The following CTTN variants were observed in gnomAD, a reference collection of about 807,000 sequenced individuals.
CTTN encodes the protein cortactin, also known as src substrate cortactin.
A neutral mutation model predicts 84.0 loss-of-function variants in CTTN; 28 were observed. The ratio of observed to expected loss-of-function variants is 0.33; its 90% CI spans 0.25 to 0.46. CTTN has a LOEUF of 0.46. Among genes scored for constraint, CTTN ranks in the 20% least tolerant of loss-of-function variants. The pLI, the probability that CTTN is intolerant of heterozygous loss-of-function variation, is 1.00. For missense variants in CTTN, 641 were observed against 723.8 expected, an observed-to-expected ratio of 0.89 and a Z score of 1.31; for synonymous variants, 301 against 288.8, an observed-to-expected ratio of 1.04 and a Z score of -0.43.
chr11:70,410,555 G>A (rs1804645587), intron 5 of CTTN: 1 of 152,572 alleles, frequency 6.6e-6, no homozygotes, highest in Admixed American at 6.5e-5. Flanking sequence ...CGTTGATTGA[G>A]GACGTTGGCC....
intron 13 of CTTN, 26 bp from the exon 14 acceptor site, chr11:70,429,022 GGCA>G (rs745514485): frequency 2.9e-5 from 47 of 1,613,256 alleles, no homozygotes; most frequent in Non-Finnish European, 3.8e-5. Context: ...CTGTGCTCAA[GGCA>G]CACGTCCTCC....
intron 1 of CTTN, among the ~76,000 whole-genome samples, chr11:70,404,948 G>A (rs1223821225): frequency 2.0e-5 from 3 of 152,248 alleles, no homozygotes; most frequent in Non-Finnish European, 4.4e-5. Flanking sequence ...TTTGCGGTAA[G>A]CCGCGATTGT....
At chr11:70,432,489 A>G (rs1183342992) in intron 15 of CTTN, among the ~76,000 whole-genome samples, 1 of 152,238 alleles carries the variant, frequency 6.6e-6, no homozygotes, top group Non-Finnish European at 1.5e-5. Context: ...CTGGTCAGAA[A>G]CATTGATTAA....
Position 70,417,030 on chromosome 11 carries a change from G to T in CTTN, c.475G>T (p.Gly159Cys), listed in dbSNP as rs1385686579. 6.2e-7 allele frequency: 1 copy of T among 1,614,178 alleles called. No homozygotes were observed. The change falls in exon 8 of 18, where the codon GGC (glycine) becomes TGC (cysteine). Residue 159 changes from glycine (G) to cysteine (C), a missense_variant. Transcript: ENST00000301843. ...ASQKDYSSGFGGKYGVQADRV... is the reference protein window; with the variant it reads ...ASQKDYSSGFCGKYGVQADRV... Reference sequence around the variant, plus strand: ...CTCTCCAGACTACTCCAGTGGTTTTGGCGGCAAGTATGGCGTGCAGGCCGA... The same window carrying T: ...CTCTCCAGACTACTCCAGTGGTTTTTGCGGCAAGTATGGCGTGCAGGCCGA...
rs761020128 is a variant in CTTN, at chr11:70,425,349, G to A, written c.975G>A (p.Glu325=). Residue 325 remains glutamate (E), a synonymous_variant, in exon 13 of 18, where the codon GAG becomes GAA. Coordinates refer to ENST00000301843, the MANE Select transcript of CTTN (RefSeq NM_005231.4). ...CTCTGCAGAATGCGTCAACCTTTGAGGATGTCACCCAGGTGTCCTCTGCCT... is the reference window on the plus strand; with the variant it reads ...CTCTGCAGAATGCGTCAACCTTTGAAGATGTCACCCAGGTGTCCTCTGCCT... ...DRMDKNASTF[E]DVTQVSSAYQ... is the part of the protein sequence containing the mutation. 56 of 1,612,518 alleles carry A rather than the reference G, an allele frequency of 3.5e-5. No individual in the cohort carries two copies. Among genetic ancestry groups the A allele is most frequent in the Non-Finnish European group, 4.3e-5 (51 of 1,179,496 alleles).
chr11:70,420,178 T>C, intron 9 of CTTN: 2 of 601,728 alleles, frequency 3.3e-6, no homozygotes, highest in Non-Finnish European at 5.9e-6. Flanking sequence ...CATGGGGTCC[T>C]GTCTGGCTTA....
At chr11:70,413,697 G>T (rs1421213134) in intron 5 of CTTN, among the ~76,000 whole-genome samples, 6 of 152,222 alleles carry the variant, frequency 3.9e-5, no homozygotes, top group Admixed American at 2.6e-4. Flanking sequence ...GCTGAAATGA[G>T]CTGGCATGGG....
intron 1 of CTTN, among the ~76,000 whole-genome samples, chr11:70,403,409 G>A (rs1168442878): frequency 6.6e-6 from 1 of 151,886 alleles, no homozygotes; most frequent in Non-Finnish European, 1.5e-5. Flanking sequence ...GGATGGTCTC[G>A]ATCTCTTGAC....
rs2058169770 is a variant in CTTN, at chr11:70,416,985, C to T, written c.458-28C>T. 8 of 1,537,078 alleles carry T rather than the reference C, an allele frequency of 5.2e-6. No individual in the cohort carries two copies. The Admixed American group carries it at 6.7e-5, about 13-fold the overall frequency. On this transcript the variant is annotated intron_variant, in intron 7 of 17. Transcript: ENST00000301843. ...ACAGTGTAGTTCGTCCTCAGGCCCC[C>T]GTGCTAATTGCTGCCCTGTCTCTCC...
chr11:70,429,125 AAGGCGG>A lies in CTTN; in HGVS notation c.1111_1116del (p.Ala371_Glu372del). 1 of 1,614,176 alleles carries A rather than the reference AAGGCGG, an allele frequency of 6.2e-7. No individual in the cohort carries two copies. The highest frequency in any genetic ancestry group is 1.7e-5 in the Admixed American group (1 of 60,022). On this transcript the variant is annotated inframe_deletion, in exon 14 of 18. Transcript: ENST00000301843. The stretch of plus-strand genomic sequence containing the variant: ...GGAGAAAGAGCAGGAGGACAGGCGG[AAGGCGG>A]AGGCGGAGAGAGCCCAGCGGATGGC...
intron 2 of CTTN, among the ~76,000 whole-genome samples, 154 bp from the exon 3 acceptor site, chr11:70,407,144 G>C (rs571566785): frequency 1.3e-3 from 201 of 152,278 alleles, no homozygotes; most frequent in Non-Finnish European, 1.7e-3. Flanking sequence ...GTGGTTGTCA[G>C]TCAGGCTTAT....
chr11:70,415,171 G>T (rs185118025), intron 6 of CTTN, among the ~76,000 whole-genome samples: 1 of 152,304 alleles, frequency 6.6e-6, no homozygotes. Flanking sequence ...GTCGCAGATT[G>T]TGGCTTTGTG....
chr11:70,408,553 A>G (rs571051880), intron 4 of CTTN, among the ~76,000 whole-genome samples: 3 of 152,192 alleles, frequency 2.0e-5, no homozygotes, highest in African/African-American at 7.2e-5. Flanking sequence ...GCACACCACA[A>G]TGGCTAGCTA....
intron 6 of CTTN, among the ~76,000 whole-genome samples, chr11:70,415,429 C>T (rs2058146800): frequency 6.6e-6 from 1 of 152,194 alleles, no homozygotes; most frequent in Non-Finnish European, 1.5e-5. Context: ...GAGGGCAGGT[C>T]ACCAGGGATA....
intron 7 of CTTN, chr11:70,416,280 A>G (rs2058159314): frequency 6.5e-6 from 1 of 152,814 alleles, no homozygotes; most frequent in Non-Finnish European, 1.5e-5. Context: ...TCATCCGCGG[A>G]ACAAGCTCTC....
At chr11:70,420,282 G>A (rs533689458) in intron 9 of CTTN, 118 bp from the exon 10 acceptor site, 77 of 722,614 alleles carry the variant, frequency 1.1e-4, no homozygotes, top group African/African-American at 2.8e-4. Flanking sequence ...CCAAAGATCC[G>A]GAAGGGAAGA....
At chr11:70,405,794 C>T (rs1039417685) in intron 2 of CTTN, among the ~76,000 whole-genome samples, 7 of 152,212 alleles carry the variant, frequency 4.6e-5, no homozygotes, top group Non-Finnish European at 8.8e-5. Flanking sequence ...TGCCGCCTTT[C>T]TCCTTTGCCT....
At chr11:70,417,271 A>G in intron 8 of CTTN, 148 bp downstream of exon 8, 1 of 650,840 alleles carries the variant, frequency 1.5e-6, no homozygotes, top group South Asian at 1.8e-5. Context: ...GCTTTTCCTA[A>G]TTCGAATGGC....
At chr11:70,417,872 C>G (rs1489471374) in intron 8 of CTTN, among the ~76,000 whole-genome samples, 1 of 152,208 alleles carries the variant, frequency 6.6e-6, no homozygotes, top group South Asian at 2.1e-4. Context: ...AACTCCTAGA[C>G]ATGGAATTGC....
Sources: gnomAD v4.1 joint callset for allele counts (sites outside exome capture counted in the v4.1 genomes callset) on GRCh38, gnomAD v4.1.1 for gene constraint, MANE v1.5 for transcripts, NCBI Gene and HGNC (gene_info 2026-07-23, HGNC 2026-07-21) for gene names.